The following USP53 variants were observed in gnomAD, a reference collection of about 807,000 sequenced individuals.
USP53 encodes the protein ubiquitin specific peptidase 53, also known as ubiquitin carboxyl-terminal hydrolase 53.
A neutral mutation model predicts 94.9 loss-of-function variants in USP53; 71 were observed. That is an observed-to-expected ratio of 0.75 (90% CI 0.62 to 0.91). USP53 has a LOEUF of 0.91. Among genes scored for constraint, USP53 ranks in the 40% least tolerant of loss-of-function variants. USP53 has a pLI of 0.00. For missense variants in USP53, 1,173 were observed against 1,281.0 expected (o/e 0.92, Z 1.29); for synonymous variants, 375 against 422.7 (o/e 0.89, Z 1.39).
chr4:119,217,318 A>G (rs974391266), intron 2 of USP53, among the ~76,000 whole-genome samples: 2 of 152,104 alleles, frequency 1.3e-5, no homozygotes, highest in African/African-American at 4.8e-5. Context: ...TTCCTCCTAT[A>G]TGATGCTACC....
chr4:119,270,540 C>T (rs1430974024), intron 15 of USP53, among the ~76,000 whole-genome samples: 2 of 152,146 alleles, frequency 1.3e-5, no homozygotes, highest in East Asian at 1.9e-4. Flanking sequence ...ATATAATTCA[C>T]TCATGGCACA....
intron 16 of USP53, chr4:119,273,299 G>C (rs1276835513): frequency 6.6e-6 from 1 of 151,428 alleles, no homozygotes; most frequent in Non-Finnish European, 1.4e-5. Context: ...GGGCAAAAGA[G>C]CAAAAGGTCC....
chr4:119,260,089 A>G (rs1181110035), intron 10 of USP53, among the ~76,000 whole-genome samples, 164 bp downstream of exon 10: 1 of 152,210 alleles, frequency 6.6e-6, no homozygotes, highest in African/African-American at 2.4e-5. Context: ...TTATCTTAGC[A>G]TAAATTGTTT....
intron 3 of USP53, among the ~76,000 whole-genome samples, chr4:119,222,560 T>C (rs1744692709): frequency 6.6e-6 from 1 of 152,234 alleles, no homozygotes; most frequent in African/African-American, 2.4e-5. Context: ...GATATTTGTC[T>C]TTCCGTGCCT....
chr4:119,231,316 T>TA (rs1746047492), intron 3 of USP53, among the ~76,000 whole-genome samples: 1 of 152,236 alleles, frequency 6.6e-6, no homozygotes, highest in South Asian at 2.1e-4. Context: ...TATATCTCAA[T>TA]AAAAATGTAC....
intron 2 of USP53, among the ~76,000 whole-genome samples, chr4:119,215,273 A>G (rs1441179530): frequency 6.6e-6 from 1 of 152,194 alleles, no homozygotes; most frequent in African/African-American, 2.4e-5. Context: ...TTTTATACTG[A>G]TGATTTTAGA....
intron 17 of USP53, among the ~76,000 whole-genome samples, chr4:119,282,317 T>C (rs1180205770): frequency 6.6e-6 from 1 of 152,100 alleles, no homozygotes; most frequent in East Asian, 1.9e-4. Context: ...CTTTGAAATC[T>C]TTTGAATATA....
intron 7 of USP53, among the ~76,000 whole-genome samples, chr4:119,254,627 T>A (rs1749507968): frequency 6.6e-6 from 1 of 152,206 alleles, no homozygotes; most frequent in African/African-American, 2.4e-5. Context: ...TTGTCTAACC[T>A]TTTTTCAAGG....
At chr4:119,255,882 A>AT (rs1004091327) in intron 7 of USP53, among the ~76,000 whole-genome samples, 2 of 152,054 alleles carry the variant, frequency 1.3e-5, no homozygotes, top group South Asian at 2.1e-4. Context: ...GCCATCCAGG[A>AT]TTTTTTTTAA....
intron 12 of USP53, 47 bp from the exon 13 acceptor site, chr4:119,267,273 G>A (rs769799592): frequency 1.4e-5 from 22 of 1,569,292 alleles, no homozygotes; most frequent in Non-Finnish European, 1.9e-5. Context: ...GTAACACATT[G>A]ATTACAAGGT....
rs1243342395 is a variant in USP53 at position 119,212,765 on chromosome 4, T to TCAG, written c.-1049_-1048insAGC. 3.2e-6 allele frequency: 1 copy of TCAG among 310,556 alleles called. No individual in the cohort carries two copies. The highest frequency in any genetic ancestry group is 6.5e-6 in the Non-Finnish European group (1 of 153,500). 19.2% of individuals were successfully genotyped at this position (310,556 alleles called of 1,614,324 possible). On this transcript the variant is annotated 5_prime_UTR_variant, in exon 1 of 19. Coordinates refer to ENST00000692078, the MANE Select transcript of USP53 (RefSeq NM_001371395.1). ...CAGCAGTCAGTGTGTCTGGCGGGTG[T>TCAG]CGGCGTGAAGCGGGGCTGGGCCAGC...
At chr4:119,250,790 T>G (rs186331448) in intron 7 of USP53, among the ~76,000 whole-genome samples, 1 of 152,312 alleles carries the variant, frequency 6.6e-6, no homozygotes, top group East Asian at 1.9e-4. Flanking sequence ...ATATTGTAAA[T>G]CAATATTTAT....
rs1437429969 is a variant in USP53 at position 119,293,307 on chromosome 4, C to G, written c.*96C>G. On this transcript the variant is annotated 3_prime_UTR_variant, in exon 19 of 19. Coordinates refer to ENST00000692078, the MANE Select transcript of USP53 (RefSeq NM_001371395.1). Reference sequence around the variant, plus strand: ...ACCTAGCATACATTGTAATAGATAACTGGTAAAACTGACCAACTTTTACTT... The same window carrying G: ...ACCTAGCATACATTGTAATAGATAAGTGGTAAAACTGACCAACTTTTACTT... 2.9e-6 allele frequency: 4 copies of G among 1,389,882 alleles called. No homozygotes were observed. In the Admixed American group the frequency reaches 8.1e-5, roughly 28 times the overall value. 86.1% of individuals were successfully genotyped at this position (1,389,882 alleles called of 1,614,324 possible).
chr4:119,273,552 T>C, intron 16 of USP53, 80 bp from the exon 17 acceptor site: 1 of 1,008,658 alleles, frequency 9.9e-7, no homozygotes. Context: ...AATAAATGTT[T>C]AACAAATGTT....
chr4:119,289,658 A>G (rs1754514180), intron 17 of USP53, among the ~76,000 whole-genome samples: 1 of 152,234 alleles, frequency 6.6e-6, no homozygotes, highest in Admixed American at 6.5e-5. Context: ...AAGTAATTAA[A>G]GATACTTTTG....
At chr4:119,264,523 A>G (rs542167781) in intron 12 of USP53, among the ~76,000 whole-genome samples, 1 of 152,248 alleles carries the variant, frequency 6.6e-6, no homozygotes, top group South Asian at 2.1e-4. Flanking sequence ...CAATTAAAAA[A>G]TCAGCAAAAA....
At chr4:119,225,614 C>T (rs1012544855) in intron 3 of USP53, among the ~76,000 whole-genome samples, 22 of 151,906 alleles carry the variant, frequency 1.4e-4, no homozygotes, top group Non-Finnish European at 2.4e-4. Context: ...GGCGTGGTGG[C>T]GGGCGCCTGT....
intron 2 of USP53, among the ~76,000 whole-genome samples, chr4:119,214,489 G>A (rs1333063717): frequency 6.6e-6 from 1 of 151,718 alleles, no homozygotes; most frequent in Non-Finnish European, 1.5e-5. Context: ...GATTGTGTAA[G>A]TTCATGGAAT....
rs568400656 is a variant in USP53 at position 119,268,447 on chromosome 4, A to G, written c.1288+27A>G. 6.5e-5 allele frequency: 103 copies of G among 1,586,326 alleles called. 1 individual carries two copies. In the South Asian group the frequency reaches 1.1e-3, roughly 17 times the overall value. ...TATGTGTTTAAATTGTCATTTTTACATAGTTCCAAGTGAGTGTCCTCCTTT... is the reference window on the plus strand; with the variant it reads ...TATGTGTTTAAATTGTCATTTTTACGTAGTTCCAAGTGAGTGTCCTCCTTT... On this transcript the variant is annotated intron_variant, in intron 14 of 18. Transcript: ENST00000692078.
Sources: allele counts gnomAD v4.1 joint callset (sites outside exome capture counted in the v4.1 genomes callset), GRCh38; gene constraint gnomAD v4.1.1; transcripts MANE v1.5; gene names NCBI Gene and HGNC (gene_info 2026-07-23, HGNC 2026-07-21).